The following HFM1 variants were observed in gnomAD, a reference collection of about 807,000 sequenced individuals.
HFM1 encodes helicase for meiosis 1.
In HFM1, 169 loss-of-function variants were observed where a neutral mutation model predicts 192.1. The ratio of observed to expected loss-of-function variants is 0.88; its 90% CI spans 0.78 to 1.00. HFM1 has a LOEUF of 1.00. HFM1 is among the 50% of genes least tolerant of loss of function. The pLI is 0.00. For missense variants in HFM1, 1,661 were observed against 1,668.0 expected (o/e 1.00, Z 0.07); for synonymous variants, 525 against 537.8 (o/e 0.98, Z 0.33).
At chr1:91,272,627 G>C (rs2100745221) in intron 34 of HFM1, among the ~76,000 whole-genome samples, 1 of 152,138 alleles carries the variant, frequency 6.6e-6, no homozygotes, top group African/African-American at 2.4e-5. Flanking sequence ...GTTGAACAAA[G>C]ATAAATATAA....
In HFM1 at chr1:91,353,876, T is replaced by C. The variant is rs139926720; in HGVS notation, c.1686-577A>G. On this transcript the variant is annotated intron_variant, in intron 13 of 38. Transcript: ENST00000370425. ...CTCTCTATAAATTTGAAAGAGGTGA[T>C]TATTCCACTAGTTGTGCAGACATCA... Among the ~76,000 whole-genome samples the C allele has an allele frequency of 3.2e-4, 48 of 150,232 alleles. No homozygotes were observed. In the East Asian group the frequency reaches 9.4e-3, roughly 29 times the overall value.
At chr1:91,372,883 G>A (rs1404124374) in intron 13 of HFM1, among the ~76,000 whole-genome samples, 2 of 151,962 alleles carry the variant, frequency 1.3e-5, no homozygotes, top group African/African-American at 4.8e-5. Context: ...TTTTGACTGT[G>A]AGCTCTTTGT....
chr1:91,317,559 G>C (rs1651443996), intron 25 of HFM1, among the ~76,000 whole-genome samples: 1 of 152,102 alleles, frequency 6.6e-6, no homozygotes, highest in Non-Finnish European at 1.5e-5. Flanking sequence ...AGAAGACACG[G>C]AACAGTATAA....
chr1:91,375,994 A>G (rs930832012), intron 11 of HFM1, among the ~76,000 whole-genome samples: 12 of 21,580 alleles, frequency 5.6e-4, no homozygotes, highest in African/African-American at 2.0e-3. Flanking sequence ...TTTCCTTCAT[A>G]AGAATCCAAA....
chr1:91,284,060 T>C (rs1557776061), intron 30 of HFM1, among the ~76,000 whole-genome samples: 1 of 152,020 alleles, frequency 6.6e-6, no homozygotes, highest in Non-Finnish European at 1.5e-5. Context: ...TATTTATTTA[T>C]GCAGAAAAGG....
intron 19 of HFM1, among the ~76,000 whole-genome samples, chr1:91,343,933 T>G (rs1655750195): frequency 6.6e-6 from 1 of 152,214 alleles, no homozygotes; most frequent in South Asian, 2.1e-4. Flanking sequence ...ATTAAGGCAA[T>G]AGTTTTCTTT....
At chr1:91,378,267 TCTTGCTTGAGAAAATGAGCATTTTCCA>T (rs1348016892) in intron 10 of HFM1, 84 bp from the exon 11 acceptor site, 1 of 1,282,482 alleles carries the variant, frequency 7.8e-7, no homozygotes, top group Admixed American at 2.4e-5. Flanking sequence ...ATATTAACAT[TCTTGCTTGAGAAAATGAGCATTTTCCA>T]CTTGAAGGGA....
chr1:91,315,302 A>C (rs532325451), intron 28 of HFM1, among the ~76,000 whole-genome samples: 63 of 152,206 alleles, frequency 4.1e-4, no homozygotes, highest in Non-Finnish European at 6.6e-4. Flanking sequence ...GGAGAAAATA[A>C]TAGTACCTGG....
At chr1:91,383,462 A>T (rs947135193) in intron 6 of HFM1, among the ~76,000 whole-genome samples, 3 of 152,186 alleles carry the variant, frequency 2.0e-5, no homozygotes, top group African/African-American at 7.2e-5. Context: ...ATCAACATGT[A>T]TAACTCTCTT....
intron 3 of HFM1, among the ~76,000 whole-genome samples, chr1:91,394,744 T>G (rs773635139): frequency 3.3e-5 from 5 of 152,114 alleles, no homozygotes; most frequent in African/African-American, 7.2e-5. Context: ...TTTATATAAA[T>G]GATTTACACA....
chr1:91,308,852 G>A (rs1650025275), intron 30 of HFM1, among the ~76,000 whole-genome samples: 1 of 152,190 alleles, frequency 6.6e-6, no homozygotes, highest in Non-Finnish European at 1.5e-5. Flanking sequence ...AGGCAAACAT[G>A]GTGAGTGGCT....
intron 30 of HFM1, among the ~76,000 whole-genome samples, chr1:91,305,087 A>G (rs537515462): frequency 4.6e-5 from 7 of 152,278 alleles, no homozygotes; most frequent in Non-Finnish European, 1.0e-4. Flanking sequence ...ACAAGTTTTG[A>G]AACCAAGAAT....
intron 34 of HFM1, among the ~76,000 whole-genome samples, chr1:91,271,008 G>T (rs1230678688): frequency 6.6e-6 from 1 of 152,048 alleles, no homozygotes; most frequent in Non-Finnish European, 1.5e-5. Context: ...CCTTCTTTTA[G>T]TGGGAGTACC....
chr1:91,395,375 C>A (rs1289685455), intron 3 of HFM1, among the ~76,000 whole-genome samples: 1 of 151,848 alleles, frequency 6.6e-6, no homozygotes, highest in Non-Finnish European at 1.5e-5. Context: ...TTTATGTACA[C>A]GTATGTATGT....
intron 18 of HFM1, among the ~76,000 whole-genome samples, chr1:91,347,824 A>G (rs368484950): frequency 2.0e-4 from 30 of 152,260 alleles, no homozygotes; most frequent in African/African-American, 5.8e-4. Context: ...AACTACACAT[A>G]CCCTTTAACA....
Position 91,323,080 on chromosome 1 carries a change from G to T in HFM1, c.2534+13C>A. On this transcript the variant is annotated intron_variant, in intron 22 of 38. Coordinates refer to ENST00000370425, the MANE Select transcript of HFM1 (RefSeq NM_001017975.6). ...CCTCTTAAAATTATTTAAAACATAT[G>T]TAATTTCTGTACCTGATAGTTATCC... 2 of 1,422,778 alleles carry T rather than the reference G, an allele frequency of 1.4e-6. No homozygotes were observed. The highest frequency in any genetic ancestry group is 9.7e-7 in the Non-Finnish European group (1 of 1,035,312). 88.1% of individuals were successfully genotyped at this position (1,422,778 alleles called of 1,614,324 possible).
At chr1:91,405,477 T>A (rs1664757244), upstream of HFM1, among the ~76,000 whole-genome samples, 2 of 152,224 alleles carry the variant, frequency 1.3e-5, no homozygotes, top group Non-Finnish European at 2.9e-5. Context: ...ACAGAGACAT[T>A]TATCTTTCCT....
chr1:91,361,206 C>T (rs185756061), intron 13 of HFM1, among the ~76,000 whole-genome samples: 29 of 150,338 alleles, frequency 1.9e-4, no homozygotes, highest in African/African-American at 6.3e-4. Flanking sequence ...AGAGCTGAAC[C>T]GAAGGAGATA....
intron 13 of HFM1, among the ~76,000 whole-genome samples, chr1:91,362,837 C>G (rs2101841147): frequency 6.6e-6 from 1 of 152,046 alleles, no homozygotes; most frequent in South Asian, 2.1e-4. Context: ...ACACATAGAC[C>G]AAAGGAAAAG....
Sources: allele counts gnomAD v4.1 joint callset (sites outside exome capture counted in the v4.1 genomes callset), GRCh38; gene constraint gnomAD v4.1.1; transcripts MANE v1.5; gene names NCBI Gene and HGNC (gene_info 2026-07-23, HGNC 2026-07-21).